Variants in PCCA observed in about 807,000 individuals in gnomAD.
The protein encoded by PCCA is propionyl-CoA carboxylase subunit alpha, also known as propionyl-CoA carboxylase alpha chain, mitochondrial.
A neutral mutation model predicts 101.3 loss-of-function variants in PCCA; 74 were observed. The observed-to-expected ratio is 0.73, with a 90% CI of 0.61 to 0.89. PCCA has a LOEUF of 0.89. PCCA is among the 40% of genes least tolerant of loss of function. The probability of loss-of-function intolerance (pLI) is 0.00; values close to 1 mark genes in which losing one functional copy is unlikely to be tolerated. For synonymous variants in PCCA, 294 were observed against 313.6 expected (o/e 0.94, Z 0.66); for missense variants, 891 against 907.0 (o/e 0.98, Z 0.23).
intron 4 of PCCA, among the ~76,000 whole-genome samples, chr13:100,145,023 A>G (rs1335191273): frequency 6.6e-6 from 1 of 152,210 alleles, no homozygotes; most frequent in Non-Finnish European, 1.5e-5. Context: ...GAGGGAGCAG[A>G]TGATTCGTAA....
chr13:100,129,229 G>A (rs1038145991), intron 4 of PCCA, among the ~76,000 whole-genome samples: 10 of 152,098 alleles, frequency 6.6e-5, no homozygotes, highest in African/African-American at 1.2e-4. Context: ...TCTTCACTTC[G>A]TTATTGCTTC....
In PCCA at chr13:100,475,218, CTGGTTTTTAGACTGT is replaced by C. The variant is rs1365850640; in HGVS notation, c.1899+25914_1899+25928del. On this transcript the variant is annotated intron_variant, in intron 21 of 23. Coordinates refer to ENST00000376285, the MANE Select transcript of PCCA (RefSeq NM_000282.4). ...GCAAGCCACAGCACCCAGCGATTCA[CTGGTTTTTAGACTGT>C]CCACAGAGCTGTGCTGCCATCACTG... 9.2e-5 allele frequency among the ~76,000 whole-genome samples: 14 copies of C among 152,258 alleles called. No individual in the cohort carries two copies. In the East Asian group the frequency reaches 1.7e-3, roughly 19 times the overall value.
Position 100,091,771 on chromosome 13 carries a change from A to C in PCCA, c.105+2546A>C, listed in dbSNP as rs555858392. On this transcript the variant is annotated intron_variant, in intron 1 of 23. Coordinates refer to ENST00000376285, the MANE Select transcript of PCCA (RefSeq NM_000282.4). ...TATGTAGAGTTCACCTTTTAGTCTT[A>C]TTTGTTTTGTGTATCAGCTTTTTAA... Among the ~76,000 whole-genome samples, 244 of 151,760 alleles carry C rather than the reference A, an allele frequency of 1.6e-3. 1 individual carries two copies. Among genetic ancestry groups the C allele is most frequent in the African/African-American group, 5.6e-3 (229 of 41,190 alleles).
rs1359519775 is a variant in PCCA at position 100,301,487 on chromosome 13, A to G, written c.1093A>G (p.Thr365Ala). 1 of 1,613,938 alleles carries G rather than the reference A, an allele frequency of 6.2e-7. No individual in the cohort carries two copies. Among genetic ancestry groups the G allele is most frequent in the Non-Finnish European group, 8.5e-7 (1 of 1,179,944 alleles). Residue 365 changes from threonine to alanine, a missense_variant, in exon 13 of 24, where the codon ACT becomes GCT. Physicochemically the swap from Thr to Ala is moderately conservative, Grantham distance 58. Coordinates refer to ENST00000376285, the MANE Select transcript of PCCA (RefSeq NM_000282.4). Reference protein sequence around the residue: ...QVEHPVTECITGLDLVQEMIR... With the variant: ...QVEHPVTECIAGLDLVQEMIR... Reference sequence around the variant, plus strand: ...TGAGCATCCTGTCACAGAATGCATTACTGGCCTGGACCTAGTCCAGGAAAT... The same window carrying G: ...TGAGCATCCTGTCACAGAATGCATTGCTGGCCTGGACCTAGTCCAGGAAAT...
chr13:100,410,075 T>C (rs114261197), intron 19 of PCCA, among the ~76,000 whole-genome samples: 4,673 of 151,670 alleles, frequency 0.031, 242 homozygotes, highest in African/African-American at 0.11. Context: ...CCCGTACTTG[T>C]GATATGATTC....
intron 1 of PCCA, among the ~76,000 whole-genome samples, chr13:100,098,377 T>A (rs2046969793): frequency 6.6e-6 from 1 of 152,168 alleles, no homozygotes. Context: ...TTAGAGCACA[T>A]CTGAATGTGG....
chr13:100,288,644 A>G (rs1468805617), intron 12 of PCCA, among the ~76,000 whole-genome samples: 1 of 152,206 alleles, frequency 6.6e-6, no homozygotes, highest in African/African-American at 2.4e-5. Flanking sequence ...TACACATTCT[A>G]TGAGTTTGGA....
chr13:100,164,295 A>G (rs2054811758), intron 6 of PCCA, among the ~76,000 whole-genome samples: 1 of 152,330 alleles, frequency 6.6e-6, no homozygotes, highest in Admixed American at 6.5e-5. Flanking sequence ...AAAAAATGTT[A>G]CTGATTATTT....
intron 21 of PCCA, among the ~76,000 whole-genome samples, chr13:100,456,093 G>A (rs981502525): frequency 1.3e-5 from 2 of 152,138 alleles, no homozygotes; most frequent in African/African-American, 4.8e-5. Flanking sequence ...CTTAATTTTT[G>A]CCAGTGTGAA....
At chr13:100,125,753 T>C (rs765530755) in intron 4 of PCCA, among the ~76,000 whole-genome samples, 5 of 152,206 alleles carry the variant, frequency 3.3e-5, no homozygotes, top group Non-Finnish European at 7.3e-5. Flanking sequence ...GCAGAAACAG[T>C]ATACTGTATC....
intron 6 of PCCA, among the ~76,000 whole-genome samples, chr13:100,180,822 A>C (rs1248462571): frequency 1.3e-5 from 2 of 152,238 alleles, no homozygotes; most frequent in Non-Finnish European, 2.9e-5. Context: ...AATTCCAGTG[A>C]AGTTTGCTTT....
At chr13:100,352,765 GATT>G (rs1432155157) in intron 18 of PCCA, among the ~76,000 whole-genome samples, 13 of 151,992 alleles carry the variant, frequency 8.6e-5, no homozygotes, top group African/African-American at 2.4e-4. Flanking sequence ...ACAGTGGTGT[GATT>G]ATAGCTCATT....
chr13:100,325,802 C>A (rs1470790817), intron 16 of PCCA, among the ~76,000 whole-genome samples: 1 of 152,082 alleles, frequency 6.6e-6, no homozygotes, highest in Non-Finnish European at 1.5e-5. Context: ...ATGCTTTGTC[C>A]CTAAAGTCTG....
At chr13:100,402,997 T>C (rs1304921634) in intron 19 of PCCA, among the ~76,000 whole-genome samples, 2 of 150,196 alleles carry the variant, frequency 1.3e-5, no homozygotes, top group African/African-American at 5.0e-5. Flanking sequence ...TGTGGAGAAC[T>C]TAATTTTTTT....
At chr13:100,091,245 G>A (rs1167505988) in intron 1 of PCCA, among the ~76,000 whole-genome samples, 4 of 152,316 alleles carry the variant, frequency 2.6e-5, no homozygotes, top group Non-Finnish European at 5.9e-5. Context: ...AGATTGGAGA[G>A]GCTGAGAGGA....
intron 6 of PCCA, among the ~76,000 whole-genome samples, chr13:100,193,046 T>G (rs1343785968): frequency 6.6e-6 from 1 of 152,112 alleles, no homozygotes. Flanking sequence ...CACCGAGTAA[T>G]AGATGTGTTC....
At chr13:100,226,685 T>C (rs1243933181) in intron 7 of PCCA, among the ~76,000 whole-genome samples, 2 of 152,204 alleles carry the variant, frequency 1.3e-5, no homozygotes, top group Non-Finnish European at 2.9e-5. Flanking sequence ...TTCTATGTTA[T>C]CTAGGTTCAG....
At chr13:100,345,242 G>T (rs1391710494) in intron 18 of PCCA, among the ~76,000 whole-genome samples, 1 of 152,242 alleles carries the variant, frequency 6.6e-6, no homozygotes, top group Non-Finnish European at 1.5e-5. Flanking sequence ...TAGGCCTCTT[G>T]TGCCAAATGG....
At chr13:100,123,713 A>C (rs1387112131) in intron 4 of PCCA, among the ~76,000 whole-genome samples, 3 of 152,210 alleles carry the variant, frequency 2.0e-5, no homozygotes, top group Non-Finnish European at 4.4e-5. Flanking sequence ...AGCCTAACAT[A>C]TTAAAATACA....
Sources: gnomAD v4.1 joint callset for allele counts (sites outside exome capture counted in the v4.1 genomes callset) on GRCh38, gnomAD v4.1.1 for gene constraint, MANE v1.5 for transcripts, NCBI Gene and HGNC (gene_info 2026-07-23, HGNC 2026-07-21) for gene names.